The following GMDS variants were observed in gnomAD, a reference collection of about 807,000 sequenced individuals.
The protein encoded by GMDS is GDP-mannose 4,6 dehydratase.
A neutral mutation model predicts 49.9 loss-of-function variants in GMDS; 20 were observed. The ratio of observed to expected loss-of-function variants is 0.40; its 90% CI spans 0.28 to 0.58. The LOEUF (loss-of-function observed/expected upper bound fraction) is 0.58. GMDS is among the 20% of genes least tolerant of loss of function. The probability of loss-of-function intolerance (pLI) is 0.42; values close to 1 mark genes in which losing one functional copy is unlikely to be tolerated. For synonymous variants in GMDS, 177 were observed against 178.6 expected, an observed-to-expected ratio of 0.99 and a Z score of 0.07; for missense variants, 362 against 481.4, an observed-to-expected ratio of 0.75 and a Z score of 2.32.
intron 7 of GMDS, among the ~76,000 whole-genome samples, chr6:1,816,523 G>A (rs753315190): frequency 2.0e-5 from 3 of 152,048 alleles, no homozygotes; most frequent in Non-Finnish European, 2.9e-5. Context: ...TCTAAAATAC[G>A]GATATTATCC....
chr6:2,209,484 T>C (rs1779963493), intron 1 of GMDS, among the ~76,000 whole-genome samples: 1 of 151,970 alleles, frequency 6.6e-6, no homozygotes, highest in Non-Finnish European at 1.5e-5. Context: ...CCACAGTGGG[T>C]ACTCACACAC....
chr6:1,949,086 A>C (rs1763219764), intron 6 of GMDS: 1 of 925,330 alleles, frequency 1.1e-6, no homozygotes, highest in Admixed American at 6.2e-5. Flanking sequence ...AAAAAAACTA[A>C]TTCTCTAGCT....
In GMDS at chr6:1,813,595, T is replaced by C. The variant is rs141240472; in HGVS notation, c.772-71009A>G. On this transcript the variant is annotated intron_variant, in intron 7 of 10. Coordinates refer to ENST00000380815, the MANE Select transcript of GMDS (RefSeq NM_001500.4). ...TTAGTTCTAGATAGCTAATAATGGA[T>C]GGTTGAGAAAACAGAGAGAGCTCCA... Among the ~76,000 whole-genome samples the C allele has an allele frequency of 2.5e-3, 384 of 152,282 alleles. 1 individual carries two copies. The highest frequency in any genetic ancestry group is 8.8e-3 in the African/African-American group (364 of 41,560).
intron 4 of GMDS, among the ~76,000 whole-genome samples, chr6:2,082,727 C>G (rs1043913917): frequency 3.9e-5 from 6 of 152,146 alleles, no homozygotes; most frequent in Non-Finnish European, 7.4e-5. Context: ...ACTGTAAGAA[C>G]ATATACTGGT....
At chr6:1,889,008 A>G (rs999900343) in intron 7 of GMDS, among the ~76,000 whole-genome samples, 2 of 152,200 alleles carry the variant, frequency 1.3e-5, no homozygotes, top group African/African-American at 4.8e-5. Context: ...GGCCTCCCAA[A>G]GGAGGGCTGG....
chr6:2,229,097 G>A (rs1780956757), intron 1 of GMDS, among the ~76,000 whole-genome samples: 1 of 152,184 alleles, frequency 6.6e-6, no homozygotes, highest in African/African-American at 2.4e-5. Flanking sequence ...CTGCAGATGG[G>A]GTGAGAGAGG....
chr6:1,968,480 C>A (rs1012090175), intron 4 of GMDS, among the ~76,000 whole-genome samples: 1 of 152,176 alleles, frequency 6.6e-6, no homozygotes, highest in Non-Finnish European at 1.5e-5. Flanking sequence ...CACTGCTGAT[C>A]AGGCACTATT....
intron 6 of GMDS, among the ~76,000 whole-genome samples, chr6:1,955,606 G>A (rs1175846600): frequency 6.6e-6 from 1 of 152,126 alleles, no homozygotes; most frequent in Non-Finnish European, 1.5e-5. Context: ...GGCTGACTGA[G>A]GGATGCAAAG....
chr6:1,816,095 G>A (rs1770658191), intron 7 of GMDS, among the ~76,000 whole-genome samples: 1 of 152,236 alleles, frequency 6.6e-6, no homozygotes, highest in East Asian at 1.9e-4. Context: ...CAAGTTGGGG[G>A]CTTGCTCTCC....
At chr6:1,876,569 G>A (rs1330515057) in intron 7 of GMDS, among the ~76,000 whole-genome samples, 1 of 152,188 alleles carries the variant, frequency 6.6e-6, no homozygotes, top group Non-Finnish European at 1.5e-5. Flanking sequence ...CTAGCTCTTA[G>A]ACAATTCCTG....
intron 9 of GMDS, among the ~76,000 whole-genome samples, chr6:1,721,605 A>G (rs1022627797): frequency 2.6e-5 from 4 of 151,174 alleles, no homozygotes; most frequent in African/African-American, 7.3e-5. Context: ...AAAAAAAGGG[A>G]CTTTTTGTTT....
chr6:1,726,561 T>G, intron 8 of GMDS, 49 bp from the exon 9 acceptor site: 1 of 1,390,876 alleles, frequency 7.2e-7, no homozygotes, highest in Non-Finnish European at 1.0e-6. Context: ...TTGGGAACAT[T>G]TGGCCATGCT....
chr6:1,635,618 G>A lies in GMDS; in HGVS notation c.988-11078C>T, dbSNP rs1763122080. ...TGGCAGGTGCTTTGTTTGCCGTCGG[G>A]GCCAGCCTCACTGACAAGGCTGAGG... On this transcript the variant is annotated intron_variant, in intron 9 of 10. Coordinates refer to ENST00000380815, the MANE Select transcript of GMDS (RefSeq NM_001500.4). The surrounding 1 kb of genome is among the most constrained non-coding windows in gnomAD (Gnocchi z 4.7). Among the ~76,000 whole-genome samples, 1 of 152,194 alleles carries A rather than the reference G, an allele frequency of 6.6e-6. No homozygotes were observed. Among genetic ancestry groups the A allele is most frequent in the Non-Finnish European group, 1.5e-5 (1 of 68,036 alleles).
chr6:1,773,942 T>A (rs1168603611), intron 7 of GMDS, among the ~76,000 whole-genome samples: 1 of 152,210 alleles, frequency 6.6e-6, no homozygotes, highest in African/African-American at 2.4e-5. Context: ...TGTACATTTT[T>A]GAAAAACAGG....
chr6:1,900,238 G>C (rs1760431025), intron 7 of GMDS, among the ~76,000 whole-genome samples: 1 of 152,216 alleles, frequency 6.6e-6, no homozygotes, highest in Non-Finnish European at 1.5e-5. Flanking sequence ...CATAGAGGTA[G>C]GTGTGGATGG....
At chr6:1,921,150 T>C (rs1292643037) in intron 7 of GMDS, among the ~76,000 whole-genome samples, 2 of 152,224 alleles carry the variant, frequency 1.3e-5, no homozygotes, top group Non-Finnish European at 2.9e-5. Context: ...CCATTTTATA[T>C]GAACATGCAA....
At chr6:2,129,869 C>T (rs1311582246) in intron 1 of GMDS, among the ~76,000 whole-genome samples, 1 of 152,144 alleles carries the variant, frequency 6.6e-6, no homozygotes, top group Admixed American at 6.5e-5. Context: ...GTTTGTAACA[C>T]AAATCATTGG....
intron 1 of GMDS, among the ~76,000 whole-genome samples, chr6:2,160,612 G>T (rs1466391723): frequency 1.3e-5 from 2 of 152,150 alleles, no homozygotes; most frequent in Admixed American, 1.3e-4. Context: ...TGCCATCATG[G>T]CTCGCTACAG....
chr6:1,789,702 AT>A (rs2113632508), intron 7 of GMDS, among the ~76,000 whole-genome samples: 1 of 151,708 alleles, frequency 6.6e-6, no homozygotes, highest in Non-Finnish European at 1.5e-5. Context: ...CACTTGGCTA[AT>A]TTTTGTGTAT....
Sources: gnomAD v4.1 joint callset for allele counts (sites outside exome capture counted in the v4.1 genomes callset) on GRCh38, gnomAD v4.1.1 for gene constraint, Gnocchi (gnomAD v3.1) non-coding constraint, MANE v1.5 for transcripts, NCBI Gene and HGNC (gene_info 2026-07-23, HGNC 2026-07-21) for gene names.